Variants in CNTNAP2 observed in about 807,000 individuals in gnomAD.
The protein encoded by CNTNAP2 is contactin-associated protein-like 2.
CNTNAP2 carries 98 observed loss-of-function variants against 155.2 expected under a neutral mutation model. The observed-to-expected ratio is 0.63, with a 90% CI of 0.54 to 0.75. The LOEUF (loss-of-function observed/expected upper bound fraction) is 0.75, where lower values mean the gene tolerates loss of function less well. Among genes scored for constraint, CNTNAP2 ranks in the 30% least tolerant of loss-of-function variants. CNTNAP2 has a pLI of 0.00. For synonymous variants in CNTNAP2, 651 were observed against 631.2 expected (o/e 1.03, Z -0.47); for missense variants, 1,727 against 1,688.1 (o/e 1.02, Z -0.40).
chr7:146,470,167 C>G (rs1460572995), intron 1 of CNTNAP2, among the ~76,000 whole-genome samples: 2 of 152,140 alleles, frequency 1.3e-5, no homozygotes, highest in East Asian at 3.9e-4. Flanking sequence ...AATCACTCCT[C>G]TGTTTTTCTT....
intron 4 of CNTNAP2, among the ~76,000 whole-genome samples, chr7:147,096,028 C>G (rs1198292312): frequency 1.3e-5 from 2 of 152,114 alleles, no homozygotes; most frequent in African/African-American, 4.8e-5. Context: ...ACCATGCTCT[C>G]TCTATTGATT....
At chr7:148,129,572 T>C (rs745574563) in intron 16 of CNTNAP2, among the ~76,000 whole-genome samples, 2 of 152,120 alleles carry the variant, frequency 1.3e-5, no homozygotes, top group Non-Finnish European at 2.9e-5. Flanking sequence ...AATGGAAAAG[T>C]AGAAAAAGAG....
chr7:148,362,654 A>C (rs1173993395), intron 21 of CNTNAP2, among the ~76,000 whole-genome samples: 4 of 152,174 alleles, frequency 2.6e-5, no homozygotes, highest in Non-Finnish European at 5.9e-5. Context: ...CCTAAGCCCC[A>C]TCCAACAGAC....
intron 4 of CNTNAP2, among the ~76,000 whole-genome samples, chr7:147,069,589 G>A (rs1048498666): frequency 1.3e-5 from 2 of 152,174 alleles, no homozygotes; most frequent in Non-Finnish European, 2.9e-5. Flanking sequence ...TGGTAGGGGA[G>A]GGAAGAGGTC....
At chr7:147,876,720 T>A (rs1322031224) in intron 13 of CNTNAP2, among the ~76,000 whole-genome samples, 1 of 152,136 alleles carries the variant, frequency 6.6e-6, no homozygotes, top group Non-Finnish European at 1.5e-5. Flanking sequence ...GTAGAGACGA[T>A]GTTTTCTAGG....
At chr7:147,477,026 G>A (rs1195845344) in intron 10 of CNTNAP2, among the ~76,000 whole-genome samples, 1 of 151,170 alleles carries the variant, frequency 6.6e-6, no homozygotes, top group African/African-American at 2.4e-5. Context: ...CTTAAAACAA[G>A]TATGTTACAT....
chr7:147,119,176 A>G (rs1168132044), intron 5 of CNTNAP2, among the ~76,000 whole-genome samples: 2 of 152,184 alleles, frequency 1.3e-5, no homozygotes, highest in African/African-American at 4.8e-5. Context: ...AATTATATCT[A>G]AAGATGTTTA....
chr7:146,140,416 C>G (rs188828238), intron 1 of CNTNAP2, among the ~76,000 whole-genome samples: 1 of 152,210 alleles, frequency 6.6e-6, no homozygotes. Flanking sequence ...CCTGAGGCAT[C>G]TAATGTCTGT....
At chr7:146,131,199 T>C (rs1797708568) in intron 1 of CNTNAP2, among the ~76,000 whole-genome samples, 1 of 152,216 alleles carries the variant, frequency 6.6e-6, no homozygotes. Flanking sequence ...TTCTTAAGAA[T>C]TTCCCCTTGG....
chr7:146,694,832 GTGTT>G (rs1189133997), intron 1 of CNTNAP2, among the ~76,000 whole-genome samples: 31 of 152,146 alleles, frequency 2.0e-4, no homozygotes, highest in African/African-American at 6.5e-4. Context: ...TTATATCTAA[GTGTT>G]TGATAATTTT....
chr7:146,848,209 G>A (rs989071896), intron 3 of CNTNAP2, among the ~76,000 whole-genome samples: 2 of 152,154 alleles, frequency 1.3e-5, no homozygotes, highest in African/African-American at 4.8e-5. Flanking sequence ...ATACCTCCAA[G>A]ATAGAGTGTG....
intron 8 of CNTNAP2, among the ~76,000 whole-genome samples, chr7:147,286,324 T>C (rs969228219): frequency 1.3e-4 from 20 of 152,066 alleles, no homozygotes; most frequent in African/African-American, 4.1e-4. Context: ...TGAAAACTTA[T>C]ATTCCTAAAA....
intron 16 of CNTNAP2, among the ~76,000 whole-genome samples, chr7:148,146,178 C>A (rs1805173010): frequency 1.3e-5 from 2 of 152,106 alleles, no homozygotes; most frequent in East Asian, 3.9e-4. Flanking sequence ...AAAAAAATGA[C>A]AGATATTTAA....
At chr7:147,911,409 T>C (rs1330759728) in intron 14 of CNTNAP2, among the ~76,000 whole-genome samples, 2 of 152,206 alleles carry the variant, frequency 1.3e-5, no homozygotes. Context: ...GCTTTAACAT[T>C]CCATAAGGAG....
intron 13 of CNTNAP2, among the ~76,000 whole-genome samples, chr7:147,766,883 T>C (rs1394046017): frequency 6.6e-6 from 1 of 152,124 alleles, no homozygotes. Flanking sequence ...TGTTTCTACT[T>C]TTTATTGAAA....
intron 21 of CNTNAP2, among the ~76,000 whole-genome samples, chr7:148,323,843 T>G (rs533888003): frequency 6.6e-6 from 1 of 151,244 alleles, no homozygotes; most frequent in African/African-American, 2.4e-5. Flanking sequence ...CCGGCCTGCC[T>G]GTTTCTCAAA....
chr7:147,573,064 A>G (rs1800325467), intron 12 of CNTNAP2, among the ~76,000 whole-genome samples: 2 of 152,186 alleles, frequency 1.3e-5, no homozygotes, highest in Non-Finnish European at 1.5e-5. Context: ...CACCAATATT[A>G]TATGTTGCCC....
intron 1 of CNTNAP2, among the ~76,000 whole-genome samples, chr7:146,333,558 T>G (rs984055496): frequency 6.6e-6 from 1 of 152,208 alleles, no homozygotes; most frequent in Admixed American, 6.5e-5. Context: ...TGCATGTTTT[T>G]ATGTAAGGAG....
At chr7:146,809,075 T>C (rs1035043545) in intron 2 of CNTNAP2, among the ~76,000 whole-genome samples, 6 of 152,214 alleles carry the variant, frequency 3.9e-5, no homozygotes, top group Non-Finnish European at 8.8e-5. Flanking sequence ...TTTTTTAGAT[T>C]TGTACCCAGA....
Sources: gnomAD v4.1 joint callset for allele counts (sites outside exome capture counted in the v4.1 genomes callset) on GRCh38, gnomAD v4.1.1 for gene constraint, MANE v1.5 for transcripts, NCBI Gene and HGNC (gene_info 2026-07-23, HGNC 2026-07-21) for gene names.